The following COL15A1 variants were observed in gnomAD, a reference collection of about 807,000 sequenced individuals.
COL15A1 encodes collagen alpha-1(XV) chain.
COL15A1 carries 111 observed loss-of-function variants against 165.9 expected under a neutral mutation model. That is an observed-to-expected ratio of 0.67 (90% CI 0.57 to 0.78). COL15A1 has a LOEUF of 0.78. Among genes scored for constraint, COL15A1 ranks in the 30% least tolerant of loss-of-function variants. COL15A1 has a pLI of 0.00. For missense variants in COL15A1, 1,745 were observed against 1,789.7 expected (o/e 0.98, Z 0.45); for synonymous variants, 659 against 674.8 (o/e 0.98, Z 0.36).
rs1409803486 is a variant in COL15A1, at chr9:99,035,370, C to A, written c.2241C>A (p.Ser747Arg). 1.2e-6 allele frequency: 2 copies of A among 1,614,194 alleles called. No homozygotes were observed. The highest frequency in any genetic ancestry group is 2.2e-5 in the South Asian group (2 of 91,086). The change falls in exon 19 of 42, where the codon AGC becomes AGA. Residue 747 changes from serine to arginine, a missense_variant. By Grantham distance (110) the Ser-to-Arg change is moderately radical (BLOSUM62 -1). Coordinates refer to ENST00000375001, the MANE Select transcript of COL15A1 (RefSeq NM_001855.5). ...CCCAGGATACCGAAGGCTCTGGAAG[C>A]ACCCAGCTATTGAATGAACCCAAAC... The part of the protein sequence containing the change: ...LGFEDTEGSG[S>R]TQLLNEPKLS...
chr9:99,007,495 T>C (rs1838782053), intron 9 of COL15A1, among the ~76,000 whole-genome samples: 1 of 152,200 alleles, frequency 6.6e-6, no homozygotes, highest in African/African-American at 2.4e-5. Flanking sequence ...TTCTCATGGC[T>C]AGGAGGGTTT....
At chr9:98,967,869 C>G (rs943977050) in intron 2 of COL15A1, among the ~76,000 whole-genome samples, 3 of 152,200 alleles carry the variant, frequency 2.0e-5, no homozygotes, top group Non-Finnish European at 2.9e-5. Context: ...GGGTGTGCAT[C>G]AGAGACACTA....
chr9:99,032,035 T>C (rs1481702176), intron 16 of COL15A1, among the ~76,000 whole-genome samples: 7 of 152,238 alleles, frequency 4.6e-5, no homozygotes, highest in African/African-American at 1.2e-4. Flanking sequence ...CATCCGGTGT[T>C]GTCAGCACAA....
At chr9:98,977,714 T>A (rs1588498995) in intron 2 of COL15A1, among the ~76,000 whole-genome samples, 1 of 149,722 alleles carries the variant, frequency 6.7e-6, no homozygotes, top group Non-Finnish European at 1.5e-5. Flanking sequence ...ATGGCTGAGG[T>A]CTAGGGGGAT....
At chr9:98,999,819 C>G (rs1266902006) in intron 6 of COL15A1, among the ~76,000 whole-genome samples, 1 of 150,028 alleles carries the variant, frequency 6.7e-6, no homozygotes, top group Non-Finnish European at 1.5e-5. Context: ...CATGCCCGGC[C>G]AATGAATAAG....
intron 16 of COL15A1, among the ~76,000 whole-genome samples, chr9:99,029,520 TAAC>T (rs1839180853): frequency 6.6e-6 from 1 of 152,264 alleles, no homozygotes; most frequent in Admixed American, 6.5e-5. Flanking sequence ...TTAGACCTTC[TAAC>T]AACATGTTTA....
rs563138833 is a variant in COL15A1, at chr9:99,053,778, C to T, written c.2951-798C>T. ...TGTGATGCTCATATTCCCTCCCCTT[C>T]ATTGAGAAAGCCTGAGTCGCTAGCC... On this transcript the variant is annotated intron_variant, in intron 31 of 41. Coordinates refer to ENST00000375001, the MANE Select transcript of COL15A1 (RefSeq NM_001855.5). Among the ~76,000 whole-genome samples, 138 of 152,292 alleles carry T rather than the reference C, an allele frequency of 9.1e-4. No individual in the cohort carries two copies. In the Middle Eastern group the frequency reaches 0.01, roughly 11 times the overall value.
Position 98,997,054 on chromosome 9 carries a change from A to G in COL15A1, c.925A>G (p.Ile309Val), listed in dbSNP as rs201590614. 1 of 1,614,214 alleles carries G rather than the reference A, an allele frequency of 6.2e-7. No individual in the cohort carries two copies. The highest frequency in any genetic ancestry group is 2.2e-5 in the East Asian group (1 of 44,882). The change falls in exon 6 of 42, where the codon ATC becomes GTC. Residue 309 changes from isoleucine (I) to valine (V), a missense_variant. By Grantham distance (29) the Ile-to-Val change is conservative. Coordinates refer to ENST00000375001, the MANE Select transcript of COL15A1 (RefSeq NM_001855.5). ...GACCCTGGAAACCACCAACATGAGC[A>G]TCATCCAGCACAGCAGCCCCAAACA... is the stretch of plus-strand genomic sequence containing the variant. ...EGTLETTNMS[I>V]IQHSSPKQGS...
chr9:98,949,508 G>A (rs1011654072), intron 2 of COL15A1, among the ~76,000 whole-genome samples: 64 of 152,144 alleles, frequency 4.2e-4, no homozygotes, highest in African/African-American at 1.5e-3. Flanking sequence ...AGAAATGAGG[G>A]CCTCCATTTC....
At chr9:98,947,163 G>A (rs1205311536) in intron 2 of COL15A1, among the ~76,000 whole-genome samples, 1 of 152,132 alleles carries the variant, frequency 6.6e-6, no homozygotes, top group African/African-American at 2.4e-5. Context: ...ATTAGCTGGT[G>A]AATAGATAAA....
chr9:99,064,123 A>T (rs1825859135), intron 39 of COL15A1, among the ~76,000 whole-genome samples: 1 of 152,034 alleles, frequency 6.6e-6, no homozygotes, highest in Non-Finnish European at 1.5e-5. Context: ...CCCAAAACAC[A>T]TATATAGGTG....
intron 36 of COL15A1, 107 bp from the exon 37 acceptor site, chr9:99,061,864 A>G (rs1283480299): frequency 1.0e-5 from 12 of 1,188,522 alleles, no homozygotes; most frequent in Non-Finnish European, 1.4e-5. Context: ...CTCTTTATTG[A>G]GTATCTGGGG....
intron 21 of COL15A1, among the ~76,000 whole-genome samples, chr9:99,038,366 C>T (rs1265621473): frequency 2.0e-5 from 3 of 152,210 alleles, no homozygotes; most frequent in Non-Finnish European, 2.9e-5. Context: ...GACAAACACA[C>T]ACACCCCAAC....
In COL15A1 at chr9:99,033,687, T is replaced by C. The variant is rs557916800; in HGVS notation, c.2044-862T>C. ...CATGGATTTGATATAAGGAGGAGACTGTAGCCCAGGAACAAAAATGACTGG... is the reference window on the plus strand; with the variant it reads ...CATGGATTTGATATAAGGAGGAGACCGTAGCCCAGGAACAAAAATGACTGG... On this transcript the variant is annotated intron_variant, in intron 16 of 41. Transcript: ENST00000375001. Among the ~76,000 whole-genome samples the C allele has an allele frequency of 2.6e-5, 4 of 152,342 alleles. No individual in the cohort carries two copies. The South Asian group carries it at 8.3e-4, about 32-fold the overall frequency.
chr9:99,068,444 G>A lies in COL15A1; in HGVS notation c.3838-111G>A, dbSNP rs572396789. 149 of 475,652 alleles carry A rather than the reference G, an allele frequency of 3.1e-4. 2 individuals carry two copies. The South Asian group carries it at 4.9e-3, about 16-fold the overall frequency. The allele number at this position is 475,652 out of a possible 1,614,324, so 29.5% of individuals were successfully genotyped here. The stretch of plus-strand genomic sequence containing the variant: ...CCCACCATTGCACTCCAGCCTGGCT[G>A]GATGACAAAAGCGAAACTGTGTCAA... On this transcript the variant is annotated intron_variant, in intron 40 of 41. Transcript: ENST00000375001.
At chr9:99,049,014 C>T (rs1839539974) in intron 28 of COL15A1, among the ~76,000 whole-genome samples, 1 of 152,134 alleles carries the variant, frequency 6.6e-6, no homozygotes, top group African/African-American at 2.4e-5. Flanking sequence ...GAGTCTCACT[C>T]ACCAAGCCCA....
chr9:98,949,014 C>G (rs979299207), intron 2 of COL15A1, among the ~76,000 whole-genome samples: 1 of 152,168 alleles, frequency 6.6e-6, no homozygotes, highest in African/African-American at 2.4e-5. Context: ...CCTTCTTTCT[C>G]TCTGAGGTAA....
intron 16 of COL15A1, among the ~76,000 whole-genome samples, chr9:99,029,406 C>T (rs765365914): frequency 3.6e-4 from 55 of 152,322 alleles, no homozygotes; most frequent in Non-Finnish European, 5.1e-4. Context: ...TCATCACCTT[C>T]CCTTTCTCCA....
intron 13 of COL15A1, among the ~76,000 whole-genome samples, chr9:99,022,945 C>T (rs775243421): frequency 2.0e-5 from 3 of 152,158 alleles, no homozygotes; most frequent in Admixed American, 2.0e-4. Flanking sequence ...TTAGAGGAGC[C>T]GATGGACCCA....
Sources: allele counts gnomAD v4.1 joint callset (sites outside exome capture counted in the v4.1 genomes callset), GRCh38; gene constraint gnomAD v4.1.1; transcripts MANE v1.5; gene names NCBI Gene and HGNC (gene_info 2026-07-23, HGNC 2026-07-21).